Variants in KIF3A observed in about 807,000 individuals in gnomAD.
KIF3A encodes the protein kinesin family member 3A.
KIF3A carries 27 observed loss-of-function variants against 92.6 expected under a neutral mutation model. The observed-to-expected ratio is 0.29, with a 90% CI of 0.21 to 0.40. The LOEUF (loss-of-function observed/expected upper bound fraction) is 0.40. Ranked by LOEUF, KIF3A falls within the 10% of genes least tolerant of loss-of-function variation. The pLI, the probability that KIF3A is intolerant of heterozygous loss-of-function variation, is 1.00. For synonymous variants in KIF3A, 250 were observed against 275.4 expected (o/e 0.91, Z 0.92); for missense variants, 581 against 872.6 (o/e 0.67, Z 4.21).
rs934577777 is a variant in KIF3A, at chr5:132,737,522, G to A, written c.-103C>T. 3 of 1,371,678 alleles carry A rather than the reference G, an allele frequency of 2.2e-6. No homozygotes were observed. The highest frequency in any genetic ancestry group is 1.5e-5 in the African/African-American group (1 of 67,772). 85.0% of individuals were successfully genotyped at this position (1,371,678 alleles called of 1,614,324 possible). On this transcript the variant is annotated 5_prime_UTR_variant, in exon 1 of 19. Transcript: ENST00000403231. ...CCAGAGACTACCGAAACACCTCGTT[G>A]ACGCTCTCGAGACTGCGGCTTCTCG...
At position 132,726,170 on chromosome 5, in the gene KIF3A, T is replaced by C; in HGVS notation, c.468A>G (p.Glu156=). Residue 156 remains glutamate (E), a synonymous_variant, in exon 4 of 19, where the codon GAA becomes GAG. Coordinates refer to ENST00000403231, the MANE Select transcript of KIF3A (RefSeq NM_001300791.2). Reference sequence around the variant, plus strand: ...GATCCTTGCCCAAAAGGTCACGAACTTCTTCATTATATATTTCCAAATAAG... The same window carrying C: ...GATCCTTGCCCAAAAGGTCACGAACCTCTTCATTATATATTTCCAAATAAG... ...RVSYLEIYNE[E]VRDLLGKDQT... 1.9e-6 allele frequency: 3 copies of C among 1,612,330 alleles called. No homozygotes were observed. Among genetic ancestry groups the C allele is most frequent in the Non-Finnish European group, 2.5e-6 (3 of 1,179,266 alleles).
chr5:132,732,602 C>T (rs1754270152), intron 2 of KIF3A, among the ~76,000 whole-genome samples: 1 of 151,996 alleles, frequency 6.6e-6, no homozygotes, highest in African/African-American at 2.4e-5. Flanking sequence ...TGGTGAAACC[C>T]CGTCTCTACT....
At chr5:132,733,972 C>T (rs1322042494) in intron 2 of KIF3A, among the ~76,000 whole-genome samples, 1 of 152,006 alleles carries the variant, frequency 6.6e-6, no homozygotes, top group Non-Finnish European at 1.5e-5. Context: ...CAAGAAAAGG[C>T]AAAATTATAG....
intron 15 of KIF3A, among the ~76,000 whole-genome samples, chr5:132,701,877 A>G (rs1753049415): frequency 6.6e-6 from 1 of 152,206 alleles, no homozygotes; most frequent in Non-Finnish European, 1.5e-5. Context: ...GATCACATAT[A>G]CATGAATCTG....
At chr5:132,698,797 TCA>T (rs1243110879) in intron 18 of KIF3A, among the ~76,000 whole-genome samples, 2 of 2,960 alleles carry the variant, frequency 6.8e-4, no homozygotes, top group East Asian at 0.013. Context: ...TGGCATGATC[TCA>T]TGATCTCGGC....
At chr5:132,697,373 G>T (rs902008145) in intron 18 of KIF3A, 3 of 151,526 alleles carry the variant, frequency 2.0e-5, no homozygotes, top group East Asian at 1.9e-4. Flanking sequence ...CTAAAAAAAT[G>T]ACGTATCTTA....
rs1262403125 is a variant in KIF3A at position 132,714,226 on chromosome 5, G to A, written c.1129+1531C>T. Among the ~76,000 whole-genome samples the A allele has an allele frequency of 3.3e-5, 5 of 152,124 alleles. No homozygotes were observed. In the East Asian group the frequency reaches 9.6e-4, roughly 29 times the overall value. ...CCGCTTTCGTAAGATACCCAGAGCA[G>A]TCAAATTCATAGACAAAGCAGAATG... On this transcript the variant is annotated intron_variant, in intron 8 of 18. Transcript: ENST00000403231.
intron 4 of KIF3A, among the ~76,000 whole-genome samples, chr5:132,723,960 AC>A (rs1205466127): frequency 6.6e-6 from 1 of 152,128 alleles, no homozygotes; most frequent in African/African-American, 2.4e-5. Context: ...CAAGAAAAAA[AC>A]AAACAACCCC....
chr5:132,689,281 G>T (rs1240982577), downstream of KIF3A, among the ~76,000 whole-genome samples: 2 of 152,204 alleles, frequency 1.3e-5, no homozygotes, highest in Non-Finnish European at 2.9e-5. Flanking sequence ...TCAGAACTGT[G>T]TTAACTCCTT....
At position 132,696,567 on chromosome 5, in the gene KIF3A, T is replaced by C; in HGVS notation, c.*67A>G. The C allele has an allele frequency of 1.1e-6, 1 of 914,348 alleles. No individual in the cohort carries two copies. The highest frequency in any genetic ancestry group is 1.5e-5 in the South Asian group (1 of 66,670). The allele number at this position is 914,348 out of a possible 1,614,324, so 56.6% of individuals were successfully genotyped here. On this transcript the variant is annotated 3_prime_UTR_variant, in exon 19 of 19. Coordinates refer to ENST00000403231, the MANE Select transcript of KIF3A (RefSeq NM_001300791.2). ...AATTATAGAGAAGTCTTCACTGTTT[T>C]AATTAAAGATTTTGTCCAGGCATGA...
chr5:132,734,562 A>G, intron 1 of KIF3A, 84 bp from the exon 2 acceptor site: 1 of 1,238,104 alleles, frequency 8.1e-7, no homozygotes, highest in Non-Finnish European at 1.1e-6. Flanking sequence ...TTAAAAGGCT[A>G]CTTTTCCAAC....
downstream of KIF3A, among the ~76,000 whole-genome samples, chr5:132,689,049 T>C (rs993112039): frequency 3.9e-5 from 6 of 152,146 alleles, no homozygotes; most frequent in African/African-American, 1.4e-4. Flanking sequence ...CACTTGAAGA[T>C]TGGGTCACAG....
At chr5:132,692,266 T>C (rs889633655), downstream of KIF3A, among the ~76,000 whole-genome samples, 2 of 152,106 alleles carry the variant, frequency 1.3e-5, no homozygotes, top group African/African-American at 4.8e-5. Flanking sequence ...TGGAGTCTAC[T>C]TGAGGGGAGA....
chr5:132,690,499 AAAAG>A (rs748626799), downstream of KIF3A, among the ~76,000 whole-genome samples: 18 of 152,328 alleles, frequency 1.2e-4, no homozygotes, highest in South Asian at 2.5e-3. Flanking sequence ...AAATAGCTAG[AAAAG>A]AAAATACTGA....
chr5:132,720,624 G>C lies in KIF3A; in HGVS notation c.601C>G (p.Leu201Val). 1 of 1,605,490 alleles carries C rather than the reference G, an allele frequency of 6.2e-7. No individual in the cohort carries two copies. The highest frequency in any genetic ancestry group is 8.5e-7 in the Non-Finnish European group (1 of 1,174,392). ...CTATACTTACGATTTTTGTGGCCTA[G>C]CGTCATAATTCTATCCATATCATCA... ...NADDMDRIMT[L>V]GHKNRSVGAT... The change falls in exon 5 of 19, where the codon CTA (leucine) becomes GTA (valine). Residue 201 changes from leucine (L) to valine (V), a missense_variant. Around this residue, in one of 5 missense-constraint regions of KIF3A, gnomAD observed 217 missense variants for 299.7 expected, o/e 0.72. Coordinates refer to ENST00000403231, the MANE Select transcript of KIF3A (RefSeq NM_001300791.2).
intron 11 of KIF3A, 75 bp from the exon 12 acceptor site, chr5:132,703,694 A>G (rs550212650): frequency 8.6e-6 from 9 of 1,045,618 alleles, no homozygotes; most frequent in African/African-American, 4.8e-5. Flanking sequence ...ACCTCCTTCA[A>G]TATAGAAATG....
chr5:132,736,831 T>G, intron 1 of KIF3A: 1 of 433,894 alleles, frequency 2.3e-6, no homozygotes, highest in South Asian at 1.7e-5. Flanking sequence ...GCCCCATTAT[T>G]AAGTTCACGA....
intron 15 of KIF3A, 75 bp from the exon 16 acceptor site, chr5:132,700,775 T>C: frequency 1.1e-6 from 1 of 878,368 alleles, no homozygotes; most frequent in Non-Finnish European, 1.9e-6. Flanking sequence ...AAAACTAAAA[T>C]CTTAATAACA....
chr5:132,719,541 G>C (rs542063674), intron 5 of KIF3A, among the ~76,000 whole-genome samples: 2 of 151,240 alleles, frequency 1.3e-5, no homozygotes, highest in Non-Finnish European at 1.5e-5. Context: ...GCCCAAGTTG[G>C]AGTGCAGTGG....
Sources: gnomAD v4.1 joint callset for allele counts (sites outside exome capture counted in the v4.1 genomes callset) on GRCh38, gnomAD v4.1.1 for gene constraint, gnomAD v4.1.1 regional missense constraint, MANE v1.5 for transcripts, NCBI Gene and HGNC (gene_info 2026-07-23, HGNC 2026-07-21) for gene names.